The following PTGR1 variants were observed in gnomAD, a reference collection of about 807,000 sequenced individuals.
PTGR1 encodes the protein prostaglandin reductase 1, also known as 15-oxoprostaglandin 13-reductase.
Under a neutral mutation model 37.7 loss-of-function variants are expected in PTGR1, and 23 were observed. The observed-to-expected ratio is 0.61, with a 90% CI of 0.44 to 0.86. The LOEUF (loss-of-function observed/expected upper bound fraction) is 0.86. Ranked by LOEUF, PTGR1 falls within the 40% of genes least tolerant of loss-of-function variation. The probability of loss-of-function intolerance (pLI) is 0.00; values close to 1 mark genes in which losing one functional copy is unlikely to be tolerated. For synonymous variants in PTGR1, 134 were observed against 140.0 expected (o/e 0.96, Z 0.30); for missense variants, 351 against 394.3 (o/e 0.89, Z 0.93).
At chr9:111,555,248 A>C (rs1050989434) in intron 9 of PTGR1, among the ~76,000 whole-genome samples, 1 of 152,160 alleles carries the variant, frequency 6.6e-6, no homozygotes, top group Admixed American at 6.5e-5. Flanking sequence ...TTCCTGTGGG[A>C]ATTGTGGTGA....
intron 3 of PTGR1, among the ~76,000 whole-genome samples, chr9:111,593,207 G>T (rs150371202): frequency 6.4e-4 from 98 of 152,168 alleles, no homozygotes; most frequent in Middle Eastern, 6.8e-3. Context: ...CCTCAGATAA[G>T]CACTCTGATT....
intron 9 of PTGR1, among the ~76,000 whole-genome samples, chr9:111,568,287 G>A (rs1311296930): frequency 6.6e-6 from 1 of 152,112 alleles, no homozygotes; most frequent in African/African-American, 2.4e-5. Context: ...ATTCCTGGGG[G>A]AGGTCTATAA....
intron 2 of PTGR1, among the ~76,000 whole-genome samples, chr9:111,594,851 CT>C (rs35698448): frequency 0.097 from 9,245 of 95,600 alleles, 609 homozygotes; most frequent in African/African-American, 0.26. Flanking sequence ...CGACCGGCCT[CT>C]TTTTTTTTTT....
intron 4 of PTGR1, among the ~76,000 whole-genome samples, chr9:111,591,375 T>TC (rs1829615856): frequency 2.8e-5 from 4 of 144,600 alleles, no homozygotes; most frequent in Middle Eastern, 3.5e-3. Context: ...TTTTTCTTTT[T>TC]TTTTTTTTTT....
chr9:111,550,642 G>A (rs1457866651), intron 9 of PTGR1, among the ~76,000 whole-genome samples: 1 of 152,042 alleles, frequency 6.6e-6, no homozygotes, highest in African/African-American at 2.4e-5. Context: ...GTGGAGAGGT[G>A]GATTCCTGGG....
Position 111,586,041 on chromosome 9 carries a change from T to C in PTGR1, c.334A>G (p.Thr112Ala). The change falls in exon 5 of 10, where the codon ACA becomes GCA. Residue 112 changes from threonine to alanine, a missense_variant. Physicochemically the swap from Thr to Ala is moderately conservative, Grantham distance 58. Coordinates refer to ENST00000407693, the MANE Select transcript of PTGR1 (RefSeq NM_001146108.2). ...CCCAGAGCCAAAGACAGTGGTATTGTGTCTGGCCACTCTGTCAGCAGCTTT... is the reference window on the plus strand; with the variant it reads ...CCCAGAGCCAAAGACAGTGGTATTGCGTCTGGCCACTCTGTCAGCAGCTTT... ...LEKLLTEWPD[T>A]IPLSLALGTV... 5.0e-6 allele frequency: 8 copies of C among 1,614,236 alleles called. No individual in the cohort carries two copies. Among genetic ancestry groups the C allele is most frequent in the Non-Finnish European group, 6.8e-6 (8 of 1,180,050 alleles).
At chr9:111,566,110 G>A (rs1350934616) in intron 9 of PTGR1, among the ~76,000 whole-genome samples, 1 of 152,034 alleles carries the variant, frequency 6.6e-6, no homozygotes, top group African/African-American at 2.4e-5. Context: ...GGCTGAAGTG[G>A]GAGAATCACT....
chr9:111,595,246 C>A (rs1390618376), intron 2 of PTGR1, among the ~76,000 whole-genome samples: 1 of 152,122 alleles, frequency 6.6e-6, no homozygotes, highest in Non-Finnish European at 1.5e-5. Flanking sequence ...AGAAGGGGTT[C>A]TCATTTTTGG....
In PTGR1 at chr9:111,574,190, TTAC is replaced by T. The variant is rs1258915427; in HGVS notation, c.760+541_760+543del. The T allele has an allele frequency of 1.2e-4, 18 of 152,372 alleles. No homozygotes were observed. In the East Asian group the frequency reaches 3.5e-3, roughly 29 times the overall value. The allele number at this position is 152,372 out of a possible 1,614,324, so 9.4% of individuals were successfully genotyped here. A position where few individuals can be genotyped will look rare whatever the true frequency, so the allele number is the denominator to read the frequency against. On this transcript the variant is annotated intron_variant, in intron 8 of 9. Transcript: ENST00000407693. The stretch of plus-strand genomic sequence containing the variant: ...TCTAAATCAAATCATCACTGTCTTT[TTAC>T]AGTTTTGCATTAAATGATAGGTAAA...
chr9:111,573,490 G>A (rs1046124335), intron 8 of PTGR1, among the ~76,000 whole-genome samples: 40 of 152,266 alleles, frequency 2.6e-4, no homozygotes, highest in African/African-American at 7.7e-4. Flanking sequence ...GCTCATCATA[G>A]AATAAATAAC....
At chr9:111,550,388 G>A (rs1319078273) in intron 9 of PTGR1, among the ~76,000 whole-genome samples, 1 of 152,164 alleles carries the variant, frequency 6.6e-6, no homozygotes, top group East Asian at 1.9e-4. Flanking sequence ...GGAGGAAGTG[G>A]CTATTATTGT....
intron 8 of PTGR1, among the ~76,000 whole-genome samples, chr9:111,573,881 G>A (rs1221900075): frequency 6.6e-6 from 1 of 152,130 alleles, no homozygotes; most frequent in African/African-American, 2.4e-5. Context: ...AGTAGGGAGT[G>A]GGGAATGGAG....
chr9:111,597,954 C>T (rs1829831994), intron 1 of PTGR1, among the ~76,000 whole-genome samples: 1 of 151,458 alleles, frequency 6.6e-6, no homozygotes, highest in Non-Finnish European at 1.5e-5. Context: ...CTCCTGAAAA[C>T]CACCGGAGGG....
intron 9 of PTGR1, among the ~76,000 whole-genome samples, chr9:111,551,056 G>T (rs1827926055): frequency 6.6e-6 from 1 of 152,208 alleles, no homozygotes; most frequent in South Asian, 2.1e-4. Flanking sequence ...GTAATATAAT[G>T]TGAGCCACAT....
rs373797852 is a variant in PTGR1 at position 111,597,304 on chromosome 9, T to C, written c.106+13A>G. The C allele has an allele frequency of 5.3e-5, 83 of 1,571,282 alleles. No individual in the cohort carries two copies. The highest frequency in any genetic ancestry group is 1.7e-4 in the Middle Eastern group (1 of 5,910). On this transcript the variant is annotated intron_variant, in intron 2 of 9. Transcript: ENST00000407693. ...GTCCCTTCCAACTCTGAAATATTTT[T>C]AGTATGACTTACCTCCATTTTTTAA...
chr9:111,557,726 G>A (rs759771700), downstream of PTGR1, among the ~76,000 whole-genome samples: 17 of 152,084 alleles, frequency 1.1e-4, no homozygotes, highest in Non-Finnish European at 2.1e-4. Context: ...CATTGTGCCC[G>A]GCCCATTTGT....
downstream of PTGR1, among the ~76,000 whole-genome samples, chr9:111,560,104 G>A (rs1156752306): frequency 1.3e-5 from 2 of 151,992 alleles, no homozygotes; most frequent in Non-Finnish European, 2.9e-5. Flanking sequence ...CCAGCACTTT[G>A]GGAGGCCTAG....
chr9:111,560,531 C>T (rs1218703390), downstream of PTGR1, among the ~76,000 whole-genome samples: 7 of 142,784 alleles, frequency 4.9e-5, no homozygotes, highest in African/African-American at 1.8e-4. Context: ...ATCTCAGCTA[C>T]TTGGGAGGCT....
Position 111,591,524 on chromosome 9 carries a change from C to T in PTGR1, c.209+1402G>A, listed in dbSNP as rs571204544. Among the ~76,000 whole-genome samples, 3 of 151,646 alleles carry T rather than the reference C, an allele frequency of 2.0e-5. No individual in the cohort carries two copies. The South Asian group carries it at 6.3e-4, about 32-fold the overall frequency. On this transcript the variant is annotated intron_variant, in intron 4 of 9. Coordinates refer to ENST00000407693, the MANE Select transcript of PTGR1 (RefSeq NM_001146108.2). The stretch of plus-strand genomic sequence containing the variant: ...AGCTGGGATTACAGGCATGCACTAC[C>T]ACACCCAGTTAATTTTTGTTTTTTT...
Sources: allele counts gnomAD v4.1 joint callset (sites outside exome capture counted in the v4.1 genomes callset), GRCh38; gene constraint gnomAD v4.1.1; transcripts MANE v1.5; gene names NCBI Gene and HGNC (gene_info 2026-07-23, HGNC 2026-07-21).